Variants in PAPSS2 observed in about 807,000 individuals in gnomAD.
PAPSS2 encodes the protein bifunctional 3'-phosphoadenosine 5'-phosphosulfate synthase 2.
A neutral mutation model predicts 66.5 loss-of-function variants in PAPSS2; 61 were observed. The observed-to-expected ratio is 0.92, with a 90% CI of 0.75 to 1.14. The LOEUF is 1.14. Ranked by LOEUF, PAPSS2 falls within the 50% of genes most tolerant of loss-of-function variation. The probability of loss-of-function intolerance (pLI) is 0.00; values close to 1 mark genes in which losing one functional copy is unlikely to be tolerated. For missense variants in PAPSS2, 708 were observed against 789.6 expected (o/e 0.90, Z 1.24); for synonymous variants, 289 against 287.5 (o/e 1.01, Z -0.05).
At chr10:87,740,424 A>C (rs1853853684) in intron 9 of PAPSS2, among the ~76,000 whole-genome samples, 1 of 152,240 alleles carries the variant, frequency 6.6e-6, no homozygotes, top group South Asian at 2.1e-4. Flanking sequence ...ACAATATTGC[A>C]AAATCATTCA....
intron 1 of PAPSS2, among the ~76,000 whole-genome samples, chr10:87,707,976 A>G (rs1041299002): frequency 1.3e-5 from 2 of 152,232 alleles, no homozygotes; most frequent in South Asian, 2.1e-4. Context: ...CAGTTCAGAA[A>G]CCTGGATTCT....
intron 7 of PAPSS2, among the ~76,000 whole-genome samples, chr10:87,719,247 C>T (rs913789845): frequency 3.3e-5 from 5 of 152,048 alleles, no homozygotes; most frequent in African/African-American, 7.2e-5. Flanking sequence ...GTGTGAGCTG[C>T]GAAGTCACAC....
intron 2 of PAPSS2, 82 bp downstream of exon 2, chr10:87,709,395 T>C (rs939313241): frequency 1.2e-6 from 1 of 838,486 alleles, no homozygotes. Flanking sequence ...TAGTGTAACG[T>C]ATTACATGCT....
intron 9 of PAPSS2, among the ~76,000 whole-genome samples, chr10:87,733,661 T>A (rs1410062037): frequency 1.3e-5 from 2 of 152,126 alleles, no homozygotes; most frequent in Admixed American, 6.5e-5. Flanking sequence ...CTCATTTAAT[T>A]GGCTTTGAGT....
intron 9 of PAPSS2, among the ~76,000 whole-genome samples, chr10:87,734,092 T>C (rs1419220213): frequency 6.6e-6 from 1 of 152,200 alleles, no homozygotes; most frequent in East Asian, 1.9e-4. Flanking sequence ...ACTCTTTAGC[T>C]AGAGTGAATT....
chr10:87,709,093 A>T lies in PAPSS2; in HGVS notation c.28-103A>T, dbSNP rs17124209. ...ATTTTTTATATAAGTTGTTACATGT[A>T]TCAGTTTCGCAATTAAAAGTTTAAG... On this transcript the variant is annotated intron_variant, in intron 1 of 12. Coordinates refer to ENST00000456849, the MANE Select transcript of PAPSS2 (RefSeq NM_001015880.2). 6.0e-3 allele frequency: 4,484 copies of T among 741,684 alleles called. 150 individuals are homozygous for T. In the African/African-American group the frequency reaches 0.069, roughly 11 times the overall value. The allele number at this position is 741,684 out of a possible 1,614,324, so 45.9% of individuals were successfully genotyped here. A position where few individuals can be genotyped will look rare whatever the true frequency, so the allele number is the denominator to read the frequency against.
chr10:87,711,858 T>G (rs928300316), intron 2 of PAPSS2, among the ~76,000 whole-genome samples: 1 of 152,162 alleles, frequency 6.6e-6, no homozygotes, highest in Non-Finnish European at 1.5e-5. Context: ...TTTTCCTCTG[T>G]CATGCCAAGG....
intron 7 of PAPSS2, 59 bp from the exon 8 acceptor site, chr10:87,721,697 G>A: frequency 1.4e-5 from 17 of 1,243,140 alleles, no homozygotes; most frequent in Non-Finnish European, 1.8e-5. Context: ...CATTGTTGCT[G>A]TAAGATTCGT....
At chr10:87,680,003 T>C (rs899437533) in intron 1 of PAPSS2, among the ~76,000 whole-genome samples, 1 of 145,414 alleles carries the variant, frequency 6.9e-6, no homozygotes, top group African/African-American at 2.6e-5. Flanking sequence ...CGCTCCAGCC[T>C]GAGCAACAGT....
chr10:87,676,551 A>AACTC (rs72163828), intron 1 of PAPSS2, among the ~76,000 whole-genome samples: 68,849 of 151,550 alleles, frequency 0.45, 16,336 homozygotes, highest in East Asian at 0.77. Context: ...CAAATTAACT[A>AACTC]ATTAGCTTTG....
chr10:87,740,851 C>T (rs1472846137), intron 9 of PAPSS2, among the ~76,000 whole-genome samples: 2 of 151,762 alleles, frequency 1.3e-5, no homozygotes, highest in Non-Finnish European at 2.9e-5. Flanking sequence ...AAAACAATAC[C>T]ATACTTCCCT....
chr10:87,743,316 T>G, intron 10 of PAPSS2, 57 bp from the exon 11 acceptor site: 69 of 1,542,128 alleles, frequency 4.5e-5, no homozygotes, highest in Non-Finnish European at 5.6e-5. Flanking sequence ...TCTGTTCTTG[T>G]GGAGAAATGA....
chr10:87,715,143 C>A, intron 6 of PAPSS2, 45 bp downstream of exon 6: 1 of 962,634 alleles, frequency 1.0e-6, no homozygotes, highest in Non-Finnish European at 1.7e-6. Context: ...TAATATCAGT[C>A]ATTATAATTT....
At chr10:87,726,738 T>C (rs574260555) in intron 8 of PAPSS2, among the ~76,000 whole-genome samples, 1 of 152,178 alleles carries the variant, frequency 6.6e-6, no homozygotes, top group Admixed American at 6.5e-5. Context: ...ATACAAAAAA[T>C]GCATATTCTC....
chr10:87,676,253 G>A (rs1852945161), intron 1 of PAPSS2, among the ~76,000 whole-genome samples: 1 of 152,036 alleles, frequency 6.6e-6, no homozygotes, highest in Non-Finnish European at 1.5e-5. Flanking sequence ...TTAAGGAAGT[G>A]GCTTAAGAAA....
chr10:87,718,644 G>C (rs1853561426), intron 7 of PAPSS2, among the ~76,000 whole-genome samples: 1 of 152,046 alleles, frequency 6.6e-6, no homozygotes, highest in African/African-American at 2.4e-5. Context: ...CTGTGGGTCT[G>C]TCTGTACTCA....
intron 1 of PAPSS2, among the ~76,000 whole-genome samples, chr10:87,702,960 C>T (rs7096803): frequency 0.52 from 79,401 of 151,946 alleles, 22,481 homozygotes; most frequent in African/African-American, 0.74. Context: ...CTCCCTGTCA[C>T]GACCCTCGGC....
chr10:87,659,881 C>CGCTGCTGCTGCT lies in PAPSS2; in HGVS notation c.-86_-75dup, dbSNP rs3217087. On this transcript the variant is annotated 5_prime_UTR_variant, in exon 1 of 13. Coordinates refer to ENST00000456849, the MANE Select transcript of PAPSS2 (RefSeq NM_001015880.2). ...ACCTCCTTCCCGGGAGTCCGGCAGC[C>CGCTGCTGCTGCT]GCTGCTGCTGCTGCTGCTGCTGCTG... The CGCTGCTGCTGCT allele has an allele frequency of 7.2e-3, 7,457 of 1,037,672 alleles. 46 individuals carry two copies. Among genetic ancestry groups the CGCTGCTGCTGCT allele is most frequent in the African/African-American group, 0.039 (2,457 of 63,158 alleles). 64.3% of individuals were successfully genotyped at this position (1,037,672 alleles called of 1,614,324 possible). A position where few individuals can be genotyped will look rare whatever the true frequency, so the allele number is the denominator to read the frequency against.
At chr10:87,696,946 G>A (rs923083991) in intron 1 of PAPSS2, among the ~76,000 whole-genome samples, 2 of 152,214 alleles carry the variant, frequency 1.3e-5, no homozygotes, top group Non-Finnish European at 2.9e-5. Context: ...TTTCACATTA[G>A]TGTGGTACAA....
Sources: gnomAD v4.1 joint callset for allele counts (sites outside exome capture counted in the v4.1 genomes callset) on GRCh38, gnomAD v4.1.1 for gene constraint, MANE v1.5 for transcripts, NCBI Gene and HGNC (gene_info 2026-07-23, HGNC 2026-07-21) for gene names.